FPR3: variants seen among roughly 807,000 people sequenced by gnomAD.
FPR3 encodes the protein N-formyl peptide receptor 3.
For synonymous variants in FPR3, 135 were observed against 163.6 expected, an observed-to-expected ratio of 0.83 and a Z score of 1.34; for missense variants, 346 against 443.2, an observed-to-expected ratio of 0.78 and a Z score of 1.97.
chr19:51,813,280 T>C (rs890660317), intron 1 of FPR3, among the ~76,000 whole-genome samples: 7 of 152,102 alleles, frequency 4.6e-5, no homozygotes, highest in Non-Finnish European at 1.5e-5. Context: ...AGTCCTCACA[T>C]GGTAAAAGGG....
intron 1 of FPR3, among the ~76,000 whole-genome samples, chr19:51,807,575 T>C (rs2084068701): frequency 6.6e-6 from 1 of 152,268 alleles, no homozygotes; most frequent in South Asian, 2.1e-4. Flanking sequence ...GAGATCCTTA[T>C]TGTTTGAGTA....
rs1054926522 is a variant in FPR3 at position 51,824,334 on chromosome 19, A to G, written c.586A>G (p.Thr196Ala). Residue 196 changes from threonine (T) to alanine (A), a missense_variant, in exon 2 of 2, where the codon ACC (threonine) becomes GCC (alanine). By Grantham distance (58) the Thr-to-Ala change is moderately conservative. Transcript: ENST00000339223. The surrounding 1 kb of genome is among the most constrained non-coding windows in gnomAD (Gnocchi z 4.7). Reference sequence around the variant, plus strand: ...TGTAGAGAGGTTGAACGTGTTCATTACCATGGCCAAGGTCTTTCTGATCCT... The same window carrying G: ...TGTAGAGAGGTTGAACGTGTTCATTGCCATGGCCAAGGTCTTTCTGATCCT... The part of the protein sequence containing the change: ...TAVERLNVFI[T>A]MAKVFLILHF... The G allele has an allele frequency of 6.2e-7, 1 of 1,614,036 alleles. No individual in the cohort carries two copies. Among genetic ancestry groups the G allele is most frequent in the African/African-American group, 1.3e-5 (1 of 74,912 alleles).
At position 51,795,504 on chromosome 19, in the gene FPR3, C is replaced by CCTTTTTTTTTTTTTTTTTT. The variant is rs1568425575; in HGVS notation, c.-11+173_-11+174insCTTTTTTTTTTTTTTTTTT. On this transcript the variant is annotated intron_variant, in intron 1 of 1. Coordinates refer to ENST00000339223, the MANE Select transcript of FPR3 (RefSeq NM_002030.5). ...TTTGGTTACATGTTCCAGTAACATT[C>CCTTTTTTTTTTTTTTTTTT]TTTTTTTTTTTTTTTTTTTTTTTTT... Among the ~76,000 whole-genome samples, 3 of 74,732 alleles carry CCTTTTTTTTTTTTTTTTTT rather than the reference C, an allele frequency of 4.0e-5. 1 individual carries two copies. Among genetic ancestry groups the CCTTTTTTTTTTTTTTTTTT allele is most frequent in the Admixed American group, 3.2e-4 (2 of 6,244 alleles). The allele number at this position is 74,732 out of a possible 152,430, so 49.0% of individuals were successfully genotyped here.
intron 1 of FPR3, among the ~76,000 whole-genome samples, chr19:51,812,508 C>G (rs2084104381): frequency 6.6e-6 from 1 of 152,202 alleles, no homozygotes; most frequent in Non-Finnish European, 1.5e-5. Flanking sequence ...ACATTTTGCT[C>G]TCATTCATTT....
intron 1 of FPR3, among the ~76,000 whole-genome samples, chr19:51,808,216 T>A (rs571962073): frequency 6.6e-6 from 1 of 152,364 alleles, no homozygotes; most frequent in Non-Finnish European, 1.5e-5. Flanking sequence ...CATGGCCAAT[T>A]AATATCTCCT....
rs58620565 is a variant in FPR3 at position 51,795,504 on chromosome 19, C to CTTTTTT, written c.-11+197_-11+202dup. Among the ~76,000 whole-genome samples the CTTTTTT allele has an allele frequency of 4.3e-3, 324 of 74,696 alleles. 50 individuals carry two copies. The highest frequency in any genetic ancestry group is 0.016 in the East Asian group (28 of 1,806). 49.0% of individuals were successfully genotyped at this position (74,696 alleles called of 152,430 possible). A position where few individuals can be genotyped will look rare whatever the true frequency, so the allele number is the denominator to read the frequency against. Reference sequence around the variant, plus strand: ...TTTGGTTACATGTTCCAGTAACATTCTTTTTTTTTTTTTTTTTTTTTTTTT... The same window carrying CTTTTTT: ...TTTGGTTACATGTTCCAGTAACATTCTTTTTTTTTTTTTTTTTTTTTTTTTTTTTTT... On this transcript the variant is annotated intron_variant, in intron 1 of 1. Transcript: ENST00000339223.
chr19:51,817,586 G>A (rs910130182), intron 1 of FPR3: 1 of 151,744 alleles, frequency 6.6e-6, no homozygotes, highest in Admixed American at 6.6e-5. Context: ...TGACCATTCA[G>A]CTTTTTTTTC....
intron 1 of FPR3, among the ~76,000 whole-genome samples, chr19:51,813,774 T>C (rs1399537219): frequency 6.6e-6 from 1 of 152,174 alleles, no homozygotes; most frequent in Non-Finnish European, 1.5e-5. Context: ...GACCTCGTGA[T>C]CCACCCACCT....
intron 1 of FPR3, among the ~76,000 whole-genome samples, chr19:51,819,206 T>C (rs938352292): frequency 1.3e-5 from 2 of 152,172 alleles, no homozygotes; most frequent in African/African-American, 2.4e-5. Flanking sequence ...AGCAACAGTT[T>C]AGTTTGGGCA....
intron 1 of FPR3, among the ~76,000 whole-genome samples, chr19:51,819,102 G>A (rs963996319): frequency 5.9e-5 from 9 of 152,134 alleles, no homozygotes; most frequent in African/African-American, 2.2e-4. Context: ...AAAATGAAAG[G>A]TGAGTTCTAC....
intron 1 of FPR3, among the ~76,000 whole-genome samples, chr19:51,811,856 T>G (rs1420650113): frequency 6.6e-6 from 1 of 152,222 alleles, no homozygotes; most frequent in Non-Finnish European, 1.5e-5. Flanking sequence ...CCTGCATTCA[T>G]GATAAACAGT....
intron 1 of FPR3, among the ~76,000 whole-genome samples, chr19:51,810,222 T>C (rs2084087205): frequency 6.6e-6 from 1 of 152,246 alleles, no homozygotes; most frequent in Admixed American, 6.5e-5. Context: ...TGAAGCTCAG[T>C]TCCTACATCT....
Position 51,824,718 on chromosome 19 carries a change from G to GCCCTGACTGAGGT in FPR3, c.979_991dup (p.Ser331Ter). 6.2e-7 allele frequency: 1 copy of GCCCTGACTGAGGT among 1,613,998 alleles called. No homozygotes were observed. Among genetic ancestry groups the GCCCTGACTGAGGT allele is most frequent in the Non-Finnish European group, 8.5e-7 (1 of 1,179,994 alleles). ...CTCTTTGCCCACTAGTTTGGAGAGGGCCCTGACTGAGGTCCCTGACTCAGC... is the reference window on the plus strand; with the variant it reads ...CTCTTTGCCCACTAGTTTGGAGAGGGCCCTGACTGAGGTCCCTGACTGAGGTCCCTGACTCAGC... On this transcript the variant is annotated frameshift_variant, in exon 2 of 2. Coordinates refer to ENST00000339223, the MANE Select transcript of FPR3 (RefSeq NM_002030.5). LOFTEE classifies it low-confidence loss of function (END_TRUNC). This position sits in a 1 kb window ranked among gnomAD's most constrained non-coding sequence, Gnocchi z 4.7.
intron 1 of FPR3, among the ~76,000 whole-genome samples, chr19:51,806,454 C>G (rs536350838): frequency 6.6e-6 from 1 of 152,208 alleles, no homozygotes; most frequent in Non-Finnish European, 1.5e-5. Context: ...GTCTTACCAT[C>G]CGTACCAGGA....
At chr19:51,801,081 G>C (rs954568125) in intron 1 of FPR3, among the ~76,000 whole-genome samples, 1 of 151,888 alleles carries the variant, frequency 6.6e-6, no homozygotes, top group Non-Finnish European at 1.5e-5. Flanking sequence ...AAGACTGATG[G>C]GGGAAAAAAG....
At chr19:51,820,000 T>G (rs1568431877) in intron 1 of FPR3, among the ~76,000 whole-genome samples, 1 of 152,182 alleles carries the variant, frequency 6.6e-6, no homozygotes, top group Admixed American at 6.5e-5. Flanking sequence ...AAAGAAGTCT[T>G]TATTCACAAT....
chr19:51,803,698 C>T (rs1057107939), intron 1 of FPR3: 9 of 151,988 alleles, frequency 5.9e-5, no homozygotes, highest in African/African-American at 1.9e-4. Context: ...TCAGGAGCCA[C>T]GAAGGACAGC....
chr19:51,805,173 T>G (rs1029400350), intron 1 of FPR3: 1 of 152,222 alleles, frequency 6.6e-6, no homozygotes, highest in Non-Finnish European at 1.5e-5. Context: ...CATATCCCCC[T>G]GTTTATGAAT....
intron 1 of FPR3, among the ~76,000 whole-genome samples, chr19:51,800,639 C>A (rs1346885507): frequency 6.6e-6 from 1 of 152,150 alleles, no homozygotes; most frequent in East Asian, 1.9e-4. Flanking sequence ...GGTGGTTGGG[C>A]AGGATGTTTC....
Sources: gnomAD v4.1 joint callset for allele counts (sites outside exome capture counted in the v4.1 genomes callset) on GRCh38, gnomAD v4.1.1 for gene constraint, Gnocchi (gnomAD v3.1) non-coding constraint, MANE v1.5 for transcripts, NCBI Gene and HGNC (gene_info 2026-07-23, HGNC 2026-07-21) for gene names.